The following PLD5 variants were observed in gnomAD, a reference collection of about 807,000 sequenced individuals.
The protein encoded by PLD5 is phospholipase D family member 5.
Under a neutral mutation model 61.1 loss-of-function variants are expected in PLD5, and 36 were observed. The observed-to-expected ratio is 0.59, with a 90% CI of 0.45 to 0.78. PLD5 has a LOEUF of 0.78. Among genes scored for constraint, PLD5 ranks in the 30% least tolerant of loss-of-function variants. The pLI is 0.00. For missense variants in PLD5, 515 were observed against 644.4 expected (o/e 0.80, Z 2.17); for synonymous variants, 243 against 242.8 (o/e 1.00, Z -0.01).
At chr1:242,248,277 T>A (rs1012798134) in intron 4 of PLD5, among the ~76,000 whole-genome samples, 4 of 152,158 alleles carry the variant, frequency 2.6e-5, no homozygotes, top group Admixed American at 2.6e-4. Context: ...TGTATTCATC[T>A]CTTGAAACCG....
chr1:242,526,290 G>T (rs1269707306), upstream of PLD5, among the ~76,000 whole-genome samples: 1 of 152,200 alleles, frequency 6.6e-6, no homozygotes, highest in Non-Finnish European at 1.5e-5. Flanking sequence ...GGAGGCTGAG[G>T]CGGGAGGATC....
intron 1 of PLD5, among the ~76,000 whole-genome samples, chr1:242,413,222 CTCTT>C (rs1231297712): frequency 6.6e-6 from 1 of 152,080 alleles, no homozygotes; most frequent in East Asian, 1.9e-4. Context: ...CTTGAAAATG[CTCTT>C]TCTTTTTGAG....
intron 2 of PLD5, among the ~76,000 whole-genome samples, chr1:242,297,925 C>T (rs1675804099): frequency 6.6e-6 from 1 of 152,120 alleles, no homozygotes; most frequent in Admixed American, 6.5e-5. Flanking sequence ...AGGCGTGAGC[C>T]ACCGCGCCCG....
At chr1:242,212,477 G>A (rs6429339) in intron 5 of PLD5, among the ~76,000 whole-genome samples, 122,786 of 152,244 alleles carry the variant, frequency 0.81, 49,626 homozygotes, top group South Asian at 0.91. Flanking sequence ...GGAGCCAACA[G>A]ATGCTCCCAG....
intron 1 of PLD5, among the ~76,000 whole-genome samples, chr1:242,450,984 G>A (rs537631090): frequency 6.6e-6 from 1 of 152,140 alleles, no homozygotes; most frequent in Non-Finnish European, 1.5e-5. Flanking sequence ...ATTGCCTAAC[G>A]TGGATTCTCA....
In PLD5 at chr1:242,492,830, A is replaced by C. The variant is rs558098867; in HGVS notation, c.189+31258T>G. On this transcript the variant is annotated intron_variant, in intron 1 of 9. Coordinates refer to ENST00000536534, the MANE Select transcript of PLD5 (RefSeq NM_001372062.1). ...CTCCGTGTATTCTCATGCAGCTGAG[A>C]GAGAAAATCACCCCTCTTATGTTTC... is the stretch of plus-strand genomic sequence containing the variant. 3.3e-5 allele frequency among the ~76,000 whole-genome samples: 5 copies of C among 152,258 alleles called. No homozygotes were observed. In the South Asian group the frequency reaches 1.0e-3, roughly 32 times the overall value.
chr1:242,237,810 A>G (rs1671738202), intron 4 of PLD5, among the ~76,000 whole-genome samples: 1 of 152,144 alleles, frequency 6.6e-6, no homozygotes, highest in African/African-American at 2.4e-5. Context: ...TATTAAAACA[A>G]AACAAGATTC....
intron 5 of PLD5, among the ~76,000 whole-genome samples, chr1:242,205,791 G>A (rs1669280664): frequency 6.6e-6 from 1 of 152,172 alleles, no homozygotes; most frequent in Non-Finnish European, 1.5e-5. Context: ...GATGGCAGAT[G>A]GACTATACAA....
chr1:242,120,761 C>A (rs1281880429), intron 6 of PLD5, among the ~76,000 whole-genome samples: 1 of 152,104 alleles, frequency 6.6e-6, no homozygotes, highest in Non-Finnish European at 1.5e-5. Context: ...TTAAAGGCTC[C>A]AAAAAGAAAC....
At chr1:242,424,996 G>A (rs1401069211) in intron 1 of PLD5, among the ~76,000 whole-genome samples, 1 of 152,154 alleles carries the variant, frequency 6.6e-6, no homozygotes, top group Non-Finnish European at 1.5e-5. Context: ...GCTGGGTGTG[G>A]TTGTGCACGC....
At chr1:242,345,182 C>T (rs1210741066) in intron 2 of PLD5, among the ~76,000 whole-genome samples, 1 of 152,156 alleles carries the variant, frequency 6.6e-6, no homozygotes, top group Non-Finnish European at 1.5e-5. Flanking sequence ...GGTAAATTGC[C>T]ACAATCGTCT....
chr1:242,256,727 C>T lies in PLD5; in HGVS notation c.607+8610G>A, dbSNP rs539699733. Among the ~76,000 whole-genome samples the T allele has an allele frequency of 6.6e-6, 1 of 152,066 alleles. No homozygotes were observed. The highest frequency in any genetic ancestry group is 1.9e-4 in the East Asian group (1 of 5,164). On this transcript the variant is annotated intron_variant, in intron 4 of 9. Transcript: ENST00000536534. This position sits in a 1 kb window ranked among gnomAD's most constrained non-coding sequence, Gnocchi z 5.7. ...TGCCCAGTCTCAGTTATTACAGCAG[C>T]ACAAATGAACTAAGACTATCATCTA...
intron 7 of PLD5, among the ~76,000 whole-genome samples, chr1:242,112,312 TGTGTGTGTGTGTA>T (rs1231770946): frequency 9.2e-6 from 1 of 108,136 alleles, no homozygotes; most frequent in African/African-American, 4.7e-5. Context: ...TGTGTGTGTG[TGTGTGTGTGTGTA>T]TGTATGTATA....
chr1:242,334,830 A>T (rs906824517), intron 2 of PLD5, among the ~76,000 whole-genome samples: 3 of 152,192 alleles, frequency 2.0e-5, no homozygotes, highest in African/African-American at 7.2e-5. Flanking sequence ...TGGCAGCAAG[A>T]TGGGGCCGTA....
chr1:242,110,595 A>G (rs536285269), intron 7 of PLD5, among the ~76,000 whole-genome samples: 1 of 152,278 alleles, frequency 6.6e-6, no homozygotes, highest in Admixed American at 6.5e-5. Flanking sequence ...GGATCACCTA[A>G]GGTCAGGAGT....
chr1:242,433,825 C>G (rs1003357812), intron 1 of PLD5, among the ~76,000 whole-genome samples: 2 of 152,120 alleles, frequency 1.3e-5, no homozygotes, highest in African/African-American at 4.8e-5. Context: ...GGGAATCGCC[C>G]AGACAGAAGG....
chr1:242,479,612 T>C (rs1667705392), intron 1 of PLD5, among the ~76,000 whole-genome samples: 1 of 152,206 alleles, frequency 6.6e-6, no homozygotes, highest in African/African-American at 2.4e-5. Context: ...TATTGATGTA[T>C]AGATTTAATG....
intron 1 of PLD5, among the ~76,000 whole-genome samples, chr1:242,362,738 T>C (rs910873923): frequency 6.6e-6 from 1 of 152,128 alleles, no homozygotes; most frequent in Non-Finnish European, 1.5e-5. Context: ...AATAGACTTA[T>C]CACTTCACTT....
chr1:242,441,604 C>T (rs1365347217), intron 1 of PLD5, among the ~76,000 whole-genome samples: 1 of 151,902 alleles, frequency 6.6e-6, no homozygotes, highest in Non-Finnish European at 1.5e-5. Context: ...TTTATATTTC[C>T]TGACTTTAGA....
Sources: allele counts gnomAD v4.1 joint callset (sites outside exome capture counted in the v4.1 genomes callset), GRCh38; gene constraint gnomAD v4.1.1; non-coding constraint Gnocchi (gnomAD v3.1); transcripts MANE v1.5; gene names NCBI Gene and HGNC (gene_info 2026-07-23, HGNC 2026-07-21).